Variants in CACNA1C observed in about 807,000 individuals in gnomAD.
The protein encoded by CACNA1C is voltage-dependent L-type calcium channel subunit alpha-1C.
In CACNA1C, 30 loss-of-function variants were observed where a neutral mutation model predicts 229.0. The ratio of observed to expected loss-of-function variants is 0.13; its 90% CI spans 0.10 to 0.18. The LOEUF (loss-of-function observed/expected upper bound fraction) is 0.18, where lower values mean the gene tolerates loss of function less well. CACNA1C is among the 10% of genes least tolerant of loss of function. The pLI is 1.00. For synonymous variants in CACNA1C, 1,114 were observed against 1,132.5 expected, an observed-to-expected ratio of 0.98 and a Z score of 0.33; for missense variants, 1,658 against 2,845.0, an observed-to-expected ratio of 0.58 and a Z score of 9.49.
At position 2,493,174 on chromosome 12, in the gene CACNA1C, C is replaced by T. The variant is rs2154571822; in HGVS notation, c.917-16C>T. On this transcript the variant is annotated splice_polypyrimidine_tract_variant and intron_variant, in intron 6 of 46. Coordinates refer to ENST00000399655, the MANE Select transcript of CACNA1C (RefSeq NM_000719.7). This position sits in a 1 kb window ranked among gnomAD's most constrained non-coding sequence, Gnocchi z 4.6. ...CCCTGCTGCTCCCGTCTCCTGTCTT[C>T]TTCTGGCCATTTGAGATGTTCCAGC... The T allele has an allele frequency of 6.2e-7, 1 of 1,611,820 alleles. No homozygotes were observed. Among genetic ancestry groups the T allele is most frequent in the South Asian group, 1.1e-5 (1 of 90,968 alleles).
At chr12:2,204,324 T>C (rs967162059) in intron 3 of CACNA1C, among the ~76,000 whole-genome samples, 67 of 152,244 alleles carry the variant, frequency 4.4e-4, no homozygotes, top group African/African-American at 1.4e-3. Flanking sequence ...GTAAATTTGT[T>C]TGAGTTCATT....
rs1171739884 is a variant in CACNA1C at position 2,070,666 on chromosome 12, T to A, written c.49+17055T>A. ...GTCAGTCTAAATGAATAATCAATAT[T>A]CTAATTTTTGAAAAGATATATTAGT... On this transcript the variant is annotated intron_variant, in intron 1 of 46. Coordinates refer to ENST00000399655, the MANE Select transcript of CACNA1C (RefSeq NM_000719.7). Among the ~76,000 whole-genome samples the A allele has an allele frequency of 3.3e-5, 5 of 152,186 alleles. No individual in the cohort carries two copies. The East Asian group carries it at 9.6e-4, about 29-fold the overall frequency.
chr12:2,381,030 T>C (rs2098230530), intron 3 of CACNA1C, among the ~76,000 whole-genome samples: 1 of 152,164 alleles, frequency 6.6e-6, no homozygotes, highest in Non-Finnish European at 1.5e-5. Context: ...ATGTGGCCCT[T>C]TGCAAGGTCT....
intron 3 of CACNA1C, among the ~76,000 whole-genome samples, chr12:2,227,246 A>T (rs75069193): frequency 1.3e-5 from 2 of 152,084 alleles, no homozygotes; most frequent in African/African-American, 2.4e-5. Context: ...TTCAGTGTCA[A>T]TTTTCCCCAA....
chr12:2,615,749 G>A (rs901825259), intron 29 of CACNA1C, among the ~76,000 whole-genome samples: 1 of 152,232 alleles, frequency 6.6e-6, no homozygotes, highest in Non-Finnish European at 1.5e-5. Flanking sequence ...TCGGCTGCTG[G>A]TTTGGTAGTG....
At position 2,093,481 on chromosome 12, in the gene CACNA1C, C is replaced by G. The variant is rs149382398; in HGVS notation, c.50-21743C>G. On this transcript the variant is annotated intron_variant, in intron 1 of 46. Coordinates refer to ENST00000399655, the MANE Select transcript of CACNA1C (RefSeq NM_000719.7). ...AGGCAGTGACCAAGGCCATGAGCTG[C>G]ACAGATGGAAGTGGGTATGCTTTGT... Among the ~76,000 whole-genome samples, 51 of 152,344 alleles carry G rather than the reference C, an allele frequency of 3.3e-4. No individual in the cohort carries two copies. In the East Asian group the frequency reaches 8.9e-3, roughly 27 times the overall value.
chr12:2,039,559 G>C (rs142187714), intron 1 of CACNA1C, among the ~76,000 whole-genome samples: 8 of 152,156 alleles, frequency 5.3e-5, no homozygotes, highest in African/African-American at 1.9e-4. Flanking sequence ...GTACAACATC[G>C]TTCTTGCCCT....
At chr12:2,503,242 G>T (rs1022475683) in intron 7 of CACNA1C, among the ~76,000 whole-genome samples, 3 of 152,202 alleles carry the variant, frequency 2.0e-5, no homozygotes, top group African/African-American at 7.2e-5. Context: ...GTCCCCAGGT[G>T]ACGCTGAAGC....
chr12:2,552,936 C>T (rs1324653573), intron 10 of CACNA1C, among the ~76,000 whole-genome samples: 4 of 152,068 alleles, frequency 2.6e-5, no homozygotes, highest in Non-Finnish European at 4.4e-5. Context: ...GAAGAAGTCA[C>T]GGAGCAGGAA....
At chr12:2,336,919 A>G (rs548910232) in intron 3 of CACNA1C, among the ~76,000 whole-genome samples, 1 of 152,274 alleles carries the variant, frequency 6.6e-6, no homozygotes, top group Admixed American at 6.5e-5. Flanking sequence ...AAGACACCGC[A>G]AGAAAAGGTG....
intron 38 of CACNA1C, among the ~76,000 whole-genome samples, chr12:2,671,313 A>AAAAC (rs762196375): frequency 6.6e-6 from 1 of 152,190 alleles, no homozygotes; most frequent in Non-Finnish European, 1.5e-5. Context: ...GCGCCCGGCC[A>AAAAC]AAACACACAT....
intron 3 of CACNA1C, among the ~76,000 whole-genome samples, chr12:2,286,803 T>C (rs1307440720): frequency 2.6e-5 from 4 of 152,188 alleles, no homozygotes; most frequent in African/African-American, 9.7e-5. Context: ...AACTTTTATG[T>C]TTTTTCTTAC....
At chr12:2,361,329 G>A (rs73607710) in intron 3 of CACNA1C, among the ~76,000 whole-genome samples, 12,463 of 152,178 alleles carry the variant, frequency 0.082, 721 homozygotes, top group East Asian at 0.2. Flanking sequence ...CTGATTTGGG[G>A]CACATTGCTA....
chr12:2,601,941 C>G lies in CACNA1C; in HGVS notation c.2941C>G (p.Leu981Val). The change falls in exon 22 of 47, where the codon CTC (leucine) becomes GTC (valine). Residue 981 changes from leucine to valine, a missense_variant. By Grantham distance (32) the Leu-to-Val change is conservative. This residue lies in a region of CACNA1C where 39 missense variants were observed against 143.3 expected (regional missense o/e 0.27). Coordinates refer to ENST00000399655, the MANE Select transcript of CACNA1C (RefSeq NM_000719.7). The surrounding 1 kb of genome is among the most constrained non-coding windows in gnomAD (Gnocchi z 5.9). ...GGACCTGCTGGTGGTCAGCGTGTCC[C>G]TCATCTCCTTTGGCATCCAGTGAGT... is the stretch of plus-strand genomic sequence containing the variant. ...ILDLLVVSVSLISFGIQSSAI... is the reference protein window; with the variant it reads ...ILDLLVVSVSVISFGIQSSAI... 1 of 1,611,746 alleles carries G rather than the reference C, an allele frequency of 6.2e-7. No individual in the cohort carries two copies. The highest frequency in any genetic ancestry group is 8.5e-7 in the Non-Finnish European group (1 of 1,177,824).
rs1275537466 is a variant in CACNA1C, at chr12:2,664,949, G to A, written c.4357G>A (p.Val1453Ile). Residue 1453 changes from valine (V) to isoleucine (I), a missense_variant, in exon 35 of 47, where the codon GTC becomes ATC. Physicochemically the swap from Val to Ile is conservative, Grantham distance 29. This residue lies in a region of CACNA1C where 151 missense variants were observed against 344.4 expected (regional missense o/e 0.44). Transcript: ENST00000399655. ...AACACCCTGTGGTAGCAGCTTTGCT[G>A]TCTTCTACTTCATCAGCTTCTACAT... ...GETPCGSSFA[V>I]FYFISFYMLC... 3 of 1,614,202 alleles carry A rather than the reference G, an allele frequency of 1.9e-6. No homozygotes were observed. The highest frequency in any genetic ancestry group is 4.5e-5 in the East Asian group (2 of 44,882).
rs531613778 is a variant in CACNA1C at position 2,479,932 on chromosome 12, G to A, written c.758-6172G>A. Among the ~76,000 whole-genome samples, 4 of 152,142 alleles carry A rather than the reference G, an allele frequency of 2.6e-5. No homozygotes were observed. Among genetic ancestry groups the A allele is most frequent in the Non-Finnish European group, 5.9e-5 (4 of 68,028 alleles). On this transcript the variant is annotated intron_variant, in intron 5 of 46. Transcript: ENST00000399655. The surrounding 1 kb of genome is among the most constrained non-coding windows in gnomAD (Gnocchi z 4.3). ...TCGCTGAGAAGTTGTGGTTAAGATT[G>A]CCCCAGTAAAGCCAGCAGAGTAGAG...
intron 9 of CACNA1C, chr12:2,547,405 T>C (rs754396428): frequency 2.6e-6 from 2 of 778,332 alleles, no homozygotes; most frequent in African/African-American, 3.4e-5. Context: ...GCTCTATTGA[T>C]GTCTTGTTCC....
At chr12:2,570,171 ATCTGCTTTGGGGGCTCCCAAAATC>A (rs1306700560) in intron 13 of CACNA1C, among the ~76,000 whole-genome samples, 3 of 152,190 alleles carry the variant, frequency 2.0e-5, no homozygotes, top group Non-Finnish European at 4.4e-5. Context: ...GTCCTTAAAA[ATCTGCTTTGGGGGCTCCCAAAATC>A]TCTGCTTTGG....
chr12:2,643,948 G>C lies in CACNA1C; in HGVS notation c.3913-4527G>C, dbSNP rs150546822. Among the ~76,000 whole-genome samples, 191 of 152,282 alleles carry C rather than the reference G, an allele frequency of 1.3e-3. 1 individual carries two copies. Among genetic ancestry groups the C allele is most frequent in the African/African-American group, 4.4e-3 (183 of 41,548 alleles). On this transcript the variant is annotated intron_variant, in intron 30 of 46. Transcript: ENST00000399655. ...GCTGTTGTGTCTTGCAGGTCAAATT[G>C]AGATTGGAGGTAGTACAAGCGGAGA... is the stretch of plus-strand genomic sequence containing the variant.
Sources: gnomAD v4.1 joint callset for allele counts (sites outside exome capture counted in the v4.1 genomes callset) on GRCh38, gnomAD v4.1.1 for gene constraint, gnomAD v4.1.1 regional missense constraint, Gnocchi (gnomAD v3.1) non-coding constraint, MANE v1.5 for transcripts, NCBI Gene and HGNC (gene_info 2026-07-23, HGNC 2026-07-21) for gene names.